VWA2: variants seen among roughly 807,000 people sequenced by gnomAD.
VWA2 encodes von Willebrand factor A domain-containing protein 2.
VWA2 carries 73 observed loss-of-function variants against 70.4 expected under a neutral mutation model. That is an observed-to-expected ratio of 1.04 (90% CI 0.86 to 1.26). The LOEUF (loss-of-function observed/expected upper bound fraction) is 1.26, where lower values mean the gene tolerates loss of function less well. Ranked by LOEUF, VWA2 falls within the 50% of genes most tolerant of loss-of-function variation. The pLI is 0.00. For missense variants in VWA2, 1,011 were observed against 998.5 expected (o/e 1.01, Z -0.17); for synonymous variants, 407 against 423.3 (o/e 0.96, Z 0.47).
rs138985403 is a variant in VWA2, at chr10:114,279,898, C to T, written c.833+1047C>T. ...GGGATGTCACAGAGAAGGGGCTGCT[C>T]GAGCAGTTTTGCAAGATTTGGAACT... On this transcript the variant is annotated intron_variant, in intron 8 of 13. Transcript: ENST00000392982. Among the ~76,000 whole-genome samples, 593 of 152,260 alleles carry T rather than the reference C, an allele frequency of 3.9e-3. 6 individuals are homozygous for T. Among genetic ancestry groups the T allele is most frequent in the African/African-American group, 0.014 (562 of 41,542 alleles).
chr10:114,279,488 C>T (rs546082255), intron 8 of VWA2, among the ~76,000 whole-genome samples: 2 of 152,324 alleles, frequency 1.3e-5, no homozygotes, highest in Admixed American at 6.5e-5. Context: ...GGTCCTCCCC[C>T]AGCGATGAGC....
chr10:114,274,347 G>A (rs1057279917), intron 6 of VWA2, among the ~76,000 whole-genome samples: 10 of 152,218 alleles, frequency 6.6e-5, no homozygotes, highest in African/African-American at 2.4e-4. Flanking sequence ...AGACTGACAG[G>A]ATAGGGGTGG....
chr10:114,281,410 G>A (rs750617697), intron 8 of VWA2, among the ~76,000 whole-genome samples: 4 of 152,228 alleles, frequency 2.6e-5, no homozygotes, highest in African/African-American at 4.8e-5. Context: ...TTGGATCCCA[G>A]CTCTGCTGTG....
chr10:114,275,561 A>ACTGT (rs10626058), intron 6 of VWA2, among the ~76,000 whole-genome samples: 95,454 of 151,720 alleles, frequency 0.63, 32,202 homozygotes, highest in African/African-American at 0.9. Flanking sequence ...TGCCTCTCAA[A>ACTGT]CTGGACCAGT....
At position 114,284,783 on chromosome 10, in the gene VWA2, GC is replaced by G. The variant is rs1363008333; in HGVS notation, c.890-79del. ...GGGCCACTGCTAGAGCAGGAAGCCAGCTGCACCCACACCTCTGGCCAGTCCT... is the reference window on the plus strand; with the variant it reads ...GGGCCACTGCTAGAGCAGGAAGCCAGTGCACCCACACCTCTGGCCAGTCCT... On this transcript the variant is annotated intron_variant, in intron 9 of 13. Transcript: ENST00000392982. The G allele has an allele frequency of 1.1e-5, 15 of 1,386,004 alleles. No homozygotes were observed. In the African/African-American group the frequency reaches 1.9e-4, roughly 18 times the overall value. The allele number at this position is 1,386,004 out of a possible 1,614,324, so 85.9% of individuals were successfully genotyped here. A position where few individuals can be genotyped will look rare whatever the true frequency, so the allele number is the denominator to read the frequency against.
In VWA2 at chr10:114,288,891, TCTGA is replaced by T. The variant is rs1564746342; in HGVS notation, c.1571-43_1571-40del. The stretch of plus-strand genomic sequence containing the variant: ...CAGTCCCTGGGTCCCGTCGAGGGGC[TCTGA>T]CTGGCACATCCACTGCTGAAGCCCC... On this transcript the variant is annotated intron_variant, in intron 11 of 13. Transcript: ENST00000392982. The T allele has an allele frequency of 1.5e-5, 23 of 1,560,872 alleles. No homozygotes were observed. In the South Asian group the frequency reaches 2.8e-4, roughly 19 times the overall value.
intron 6 of VWA2, among the ~76,000 whole-genome samples, 178 bp downstream of exon 6, chr10:114,273,112 T>C (rs1375494868): frequency 1.3e-5 from 2 of 152,208 alleles, no homozygotes; most frequent in Non-Finnish European, 2.9e-5. Context: ...TTTTGGAGCC[T>C]GTATTTGCAT....
In VWA2 at chr10:114,289,047, G is replaced by C. The variant is rs764577364; in HGVS notation, c.1680G>C (p.Gln560His). ...GCTTTGTGAGAAGCTGTGCCCTCCA[G>C]TTTGAGGTGAACCCTGACGTGACAC... ...MQSFVRSCALQFEVNPDVTQV... is the reference protein window; with the variant it reads ...MQSFVRSCALHFEVNPDVTQV... Residue 560 changes from glutamine to histidine, a missense_variant, in exon 12 of 14, where the codon CAG becomes CAC. Physicochemically the swap from Gln to His is conservative, Grantham distance 24. Coordinates refer to ENST00000392982, the MANE Select transcript of VWA2 (RefSeq NM_001272046.2). The C allele has an allele frequency of 1.2e-6, 2 of 1,614,086 alleles. No individual in the cohort carries two copies. The highest frequency in any genetic ancestry group is 2.7e-5 in the African/African-American group (2 of 74,940).
intron 10 of VWA2, 109 bp from the exon 11 acceptor site, chr10:114,285,830 A>G: frequency 2.4e-6 from 3 of 1,225,196 alleles, no homozygotes; most frequent in Admixed American, 2.9e-5. Context: ...GGGGGCCCAC[A>G]GTTTCTCTGC....
intron 1 of VWA2, among the ~76,000 whole-genome samples, chr10:114,242,209 GC>G (rs775180742): frequency 1.2e-4 from 19 of 152,080 alleles, no homozygotes; most frequent in Non-Finnish European, 2.2e-4. Flanking sequence ...AGGAAACTTT[GC>G]CCTTGCCCCG....
At position 114,248,626 on chromosome 10, in the gene VWA2, A is replaced by G. The variant is rs80136350; in HGVS notation, c.-10-78A>G. 1,726 of 1,269,554 alleles carry G rather than the reference A, an allele frequency of 1.4e-3. 19 individuals are homozygous for G. In the African/African-American group the frequency reaches 0.022, roughly 16 times the overall value. The allele number at this position is 1,269,554 out of a possible 1,614,324, so 78.6% of individuals were successfully genotyped here. A position where few individuals can be genotyped will look rare whatever the true frequency, so the allele number is the denominator to read the frequency against. On this transcript the variant is annotated intron_variant, in intron 1 of 13. Transcript: ENST00000392982. Reference sequence around the variant, plus strand: ...GTGACCTGGAAAAGGCTGAGTTGGCATCTTGTTTGGCGGTGTGACTTGGGG... The same window carrying G: ...GTGACCTGGAAAAGGCTGAGTTGGCGTCTTGTTTGGCGGTGTGACTTGGGG...
intron 1 of VWA2, among the ~76,000 whole-genome samples, chr10:114,242,519 G>C (rs1334675087): frequency 2.0e-5 from 3 of 151,574 alleles, no homozygotes; most frequent in African/African-American, 7.3e-5. Flanking sequence ...GTAAATCTGT[G>C]TATCAGTGCC....
intron 5 of VWA2, among the ~76,000 whole-genome samples, chr10:114,270,826 A>G (rs995174703): frequency 2.0e-5 from 3 of 152,014 alleles, no homozygotes; most frequent in African/African-American, 4.8e-5. Flanking sequence ...CCATGTTGGT[A>G]TGCTCTGTTT....
At position 114,278,615 on chromosome 10, in the gene VWA2, G is replaced by T. The variant is rs970569876; in HGVS notation, c.701-104G>T. 3.9e-6 allele frequency: 6 copies of T among 1,534,856 alleles called. No homozygotes were observed. In the Admixed American group the frequency reaches 8.8e-5, roughly 22 times the overall value. ...AGAAAGTGGCCAGCCTGGAAGTGTG[G>T]TGGAACCTCCCAGGAGCGGGAGCAG... On this transcript the variant is annotated intron_variant, in intron 7 of 13. Transcript: ENST00000392982.
At position 114,286,053 on chromosome 10, in the gene VWA2, G is replaced by T; in HGVS notation, c.1112G>T (p.Arg371Leu). 2 of 1,614,170 alleles carry T rather than the reference G, an allele frequency of 1.2e-6. No individual in the cohort carries two copies. Among genetic ancestry groups the T allele is most frequent in the East Asian group, 2.2e-5 (1 of 44,884 alleles). ...RAKVFVKRFV[R>L]AVLSEDSRAR... ...AAAGTCTTCGTGAAGCGGTTTGTGC[G>T]GGCCGTGCTGAGCGAGGACTCTCGG... The change falls in exon 11 of 14, where the codon CGG (arginine) becomes CTG (leucine). Residue 371 changes from arginine to leucine, a missense_variant. Transcript: ENST00000392982.
rs780382305 is a variant in VWA2 at position 114,288,985 on chromosome 10, G to C, written c.1618G>C (p.Ala540Pro). ...CCTCGTCTTCATGTTGGACACCTCT[G>C]CCTCAGTAGGGCCCGAGAATTTTGC... is the stretch of plus-strand genomic sequence containing the variant. Reference protein sequence around the residue: ...LDLVFMLDTSASVGPENFAQM... With the variant: ...LDLVFMLDTSPSVGPENFAQM... The change falls in exon 12 of 14, where the codon GCC becomes CCC. Residue 540 changes from alanine (A) to proline (P), a missense_variant. By Grantham distance (27) the Ala-to-Pro change is conservative. Coordinates refer to ENST00000392982, the MANE Select transcript of VWA2 (RefSeq NM_001272046.2). 3 of 1,614,094 alleles carry C rather than the reference G, an allele frequency of 1.9e-6. No individual in the cohort carries two copies. Among genetic ancestry groups the C allele is most frequent in the Non-Finnish European group, 2.5e-6 (3 of 1,180,004 alleles).
At chr10:114,249,547 C>A (rs1023622954) in intron 2 of VWA2, among the ~76,000 whole-genome samples, 2 of 152,150 alleles carry the variant, frequency 1.3e-5, no homozygotes, top group South Asian at 4.1e-4. Flanking sequence ...TGAGCCACTG[C>A]GCCTGGCCCT....
intron 5 of VWA2, 25 bp downstream of exon 5, chr10:114,261,320 G>T (rs961262142): frequency 6.3e-7 from 1 of 1,590,336 alleles, no homozygotes; most frequent in South Asian, 1.1e-5. Flanking sequence ...ATACTGCTGT[G>T]GTTAGGGTGA....
intron 2 of VWA2, 35 bp downstream of exon 2, chr10:114,248,800 G>A (rs752210278): frequency 6.3e-7 from 1 of 1,597,228 alleles, no homozygotes; most frequent in South Asian, 1.1e-5. Flanking sequence ...GGAAGTACTG[G>A]CGTGTTGAGT....
Sources: allele counts gnomAD v4.1 joint callset (sites outside exome capture counted in the v4.1 genomes callset), GRCh38; gene constraint gnomAD v4.1.1; transcripts MANE v1.5; gene names NCBI Gene and HGNC (gene_info 2026-07-23, HGNC 2026-07-21).